The following UBAC2 variants were observed in gnomAD, a reference collection of about 807,000 sequenced individuals.
UBAC2 encodes UBA domain containing 2, also known as ubiquitin-associated domain-containing protein 2.
Under a neutral mutation model 44.0 loss-of-function variants are expected in UBAC2, and 26 were observed. That is an observed-to-expected ratio of 0.59 (90% CI 0.43 to 0.82). The LOEUF is 0.82. Among genes scored for constraint, UBAC2 ranks in the 40% least tolerant of loss-of-function variants. UBAC2 has a pLI of 0.00. For synonymous variants in UBAC2, 155 were observed against 154.3 expected (o/e 1.00, Z -0.04); for missense variants, 329 against 419.4 (o/e 0.78, Z 1.88).
At chr13:99,368,726 T>TGTGTAC (rs57174182) in intron 8 of UBAC2, among the ~76,000 whole-genome samples, 1 of 145,480 alleles carries the variant, frequency 6.9e-6, no homozygotes, top group Admixed American at 6.8e-5. Flanking sequence ...TGTGTGTGTG[T>TGTGTAC]ACACATACCC....
intron 7 of UBAC2, among the ~76,000 whole-genome samples, chr13:99,348,830 G>A (rs2045032888): frequency 6.6e-6 from 1 of 152,210 alleles, no homozygotes; most frequent in East Asian, 1.9e-4. Context: ...GGGCAACATA[G>A]TGAGACCTCT....
chr13:99,248,395 T>TTC (rs1050776525), intron 4 of UBAC2, among the ~76,000 whole-genome samples: 5 of 151,032 alleles, frequency 3.3e-5, no homozygotes, highest in African/African-American at 1.2e-4. Context: ...CTAATTTTTT[T>TTC]TTTTTTTTTT....
intron 7 of UBAC2, among the ~76,000 whole-genome samples, chr13:99,367,422 C>T (rs1465790904): frequency 6.6e-6 from 1 of 152,242 alleles, no homozygotes; most frequent in East Asian, 1.9e-4. Context: ...CTATCACACC[C>T]TGCAAAGCCC....
At position 99,314,073 on chromosome 13, in the gene UBAC2, AT is replaced by A. The variant is rs758136586; in HGVS notation, c.390-15del. ...GTGTTTAAAATTCACTATTATAGTG[AT>A]TTTTTTTTATTTGTTTGCATAGCCT... is the stretch of plus-strand genomic sequence containing the variant. On this transcript the variant is annotated intron_variant, in intron 4 of 8. Coordinates refer to ENST00000403766, the MANE Select transcript of UBAC2 (RefSeq NM_001144072.2). The A allele has an allele frequency of 9.0e-5, 142 of 1,572,724 alleles. No individual in the cohort carries two copies. The highest frequency in any genetic ancestry group is 2.2e-4 in the Admixed American group (12 of 53,704).
chr13:99,242,527 C>T (rs1330497141), intron 2 of UBAC2, among the ~76,000 whole-genome samples: 4 of 141,014 alleles, frequency 2.8e-5, no homozygotes, highest in Non-Finnish European at 4.7e-5. Context: ...ACCTCCCTCC[C>T]GGACGGGGCG....
chr13:99,320,056 A>G (rs1330626584), intron 6 of UBAC2, among the ~76,000 whole-genome samples: 2 of 152,152 alleles, frequency 1.3e-5, no homozygotes, highest in Non-Finnish European at 2.9e-5. Context: ...TTTACTCTCC[A>G]TATTTGTCCC....
chr13:99,337,537 G>A (rs1440149285), intron 6 of UBAC2, among the ~76,000 whole-genome samples: 3 of 151,986 alleles, frequency 2.0e-5, no homozygotes, highest in African/African-American at 7.3e-5. Flanking sequence ...TTTCGTTTTA[G>A]CATTCTTTTA....
At chr13:99,371,314 A>G (rs2138905522) in intron 8 of UBAC2, among the ~76,000 whole-genome samples, 1 of 152,318 alleles carries the variant, frequency 6.6e-6, no homozygotes, top group Admixed American at 6.5e-5. Context: ...TTTAACATAC[A>G]CTTTCTTATA....
Position 99,243,233 on chromosome 13 carries a change from C to CTTT in UBAC2, c.160-579_160-577dup, listed in dbSNP as rs773750160. Among the ~76,000 whole-genome samples the CTTT allele has an allele frequency of 4.9e-3, 458 of 94,160 alleles. 2 individuals carry two copies. Among genetic ancestry groups the CTTT allele is most frequent in the Non-Finnish European group, 5.5e-3 (261 of 47,688 alleles). The allele number at this position is 94,160 out of a possible 152,430, so 61.8% of individuals were successfully genotyped here. A position where few individuals can be genotyped will look rare whatever the true frequency, so the allele number is the denominator to read the frequency against. On this transcript the variant is annotated intron_variant, in intron 2 of 8. Coordinates refer to ENST00000403766, the MANE Select transcript of UBAC2 (RefSeq NM_001144072.2). Reference sequence around the variant, plus strand: ...CTCAAAAATAGGCCTTTGAGTAGCTCTTTTTTTTTTTTTTTTTTTTTTGTA... The same window carrying CTTT: ...CTCAAAAATAGGCCTTTGAGTAGCTCTTTTTTTTTTTTTTTTTTTTTTTTTGTA...
intron 1 of UBAC2, chr13:99,215,674 G>T: frequency 6.7e-7 from 1 of 1,483,712 alleles, no homozygotes; most frequent in Non-Finnish European, 9.1e-7. Flanking sequence ...CAGCCCTCTG[G>T]GAACTGCAAG....
chr13:99,215,531 G>A lies in UBAC2; in HGVS notation c.31+14592G>A, dbSNP rs1346167438. The stretch of plus-strand genomic sequence containing the variant: ...GGGGTAATATACACTTTACCTTTAA[G>A]TCTTTTGATGCATTTCCTGCCAGTT... On this transcript the variant is annotated intron_variant, in intron 1 of 8. Transcript: ENST00000403766. 9 of 1,468,484 alleles carry A rather than the reference G, an allele frequency of 6.1e-6. No individual in the cohort carries two copies. In the East Asian group the frequency reaches 9.1e-5, roughly 15 times the overall value. 91.0% of individuals were successfully genotyped at this position (1,468,484 alleles called of 1,614,324 possible).
rs141478546 is a variant in UBAC2, at chr13:99,322,921, C to T, written c.561+4852C>T. On this transcript the variant is annotated intron_variant, in intron 6 of 8. Coordinates refer to ENST00000403766, the MANE Select transcript of UBAC2 (RefSeq NM_001144072.2). The stretch of plus-strand genomic sequence containing the variant: ...GCTGTGATTTGCCTTTCTCTCTTCC[C>T]TCTGTAGTACTTTTAAAGACAAACA... Among the ~76,000 whole-genome samples the T allele has an allele frequency of 4.6e-5, 7 of 152,318 alleles. No homozygotes were observed. The East Asian group carries it at 1.3e-3, about 29-fold the overall frequency.
intron 6 of UBAC2, among the ~76,000 whole-genome samples, chr13:99,338,507 G>A (rs1479936938): frequency 6.6e-6 from 1 of 152,172 alleles, no homozygotes; most frequent in Non-Finnish European, 1.5e-5. Context: ...CAGGCATTTG[G>A]ACTTATATGC....
chr13:99,296,766 A>C (rs572984650), intron 4 of UBAC2, among the ~76,000 whole-genome samples: 107 of 152,328 alleles, frequency 7.0e-4, no homozygotes, highest in Middle Eastern at 3.4e-3. Flanking sequence ...AAAAAGAAGA[A>C]GACGACGACC....
chr13:99,277,419 G>A (rs2043898246), intron 4 of UBAC2, among the ~76,000 whole-genome samples: 1 of 152,114 alleles, frequency 6.6e-6, no homozygotes, highest in Non-Finnish European at 1.5e-5. Context: ...CAGCTACTAG[G>A]GAGGCTGAGG....
At chr13:99,358,481 A>G (rs1199903015) in intron 7 of UBAC2, among the ~76,000 whole-genome samples, 4 of 152,218 alleles carry the variant, frequency 2.6e-5, no homozygotes, top group African/African-American at 4.8e-5. Context: ...TCTTCTCAGT[A>G]ATTCTGTTTG....
intron 6 of UBAC2, among the ~76,000 whole-genome samples, chr13:99,327,921 A>G (rs1395498997): frequency 1.3e-5 from 2 of 152,176 alleles, no homozygotes; most frequent in Non-Finnish European, 2.9e-5. Context: ...TTTGGTAGTT[A>G]TATACAGTCA....
intron 4 of UBAC2, chr13:99,255,243 A>G (rs1423212983): frequency 6.2e-7 from 1 of 1,614,038 alleles, no homozygotes; most frequent in East Asian, 2.2e-5. Flanking sequence ...GATTATGAAT[A>G]ATGACCAAGT....
chr13:99,320,867 G>T (rs2044558801), intron 6 of UBAC2, among the ~76,000 whole-genome samples: 2 of 152,234 alleles, frequency 1.3e-5, no homozygotes, highest in African/African-American at 4.8e-5. Flanking sequence ...TATTCCAGAT[G>T]TCTCTTGCTC....
Sources: gnomAD v4.1 joint callset for allele counts (sites outside exome capture counted in the v4.1 genomes callset) on GRCh38, gnomAD v4.1.1 for gene constraint, MANE v1.5 for transcripts, NCBI Gene and HGNC (gene_info 2026-07-23, HGNC 2026-07-21) for gene names.